ATP13A4: variants seen among roughly 807,000 people sequenced by gnomAD.
ATP13A4 encodes the protein ATPase 13A4, also known as probable cation-transporting ATPase 13A4.
In ATP13A4, 114 loss-of-function variants were observed where a neutral mutation model predicts 142.5. That is an observed-to-expected ratio of 0.80 (90% CI 0.69 to 0.93). ATP13A4 has a LOEUF of 0.93. ATP13A4 is among the 40% of genes least tolerant of loss of function. The probability of loss-of-function intolerance (pLI) is 0.00; values close to 1 mark genes in which losing one functional copy is unlikely to be tolerated. For synonymous variants in ATP13A4, 488 were observed against 514.8 expected (o/e 0.95, Z 0.70); for missense variants, 1,392 against 1,454.0 (o/e 0.96, Z 0.69).
intron 26 of ATP13A4, among the ~76,000 whole-genome samples, chr3:193,413,578 C>T (rs1288795478): frequency 2.0e-5 from 3 of 152,042 alleles, no homozygotes; most frequent in African/African-American, 7.2e-5. Flanking sequence ...TAGTTAATAT[C>T]CTGGGGGGAA....
chr3:193,483,496 G>A (rs906073875), intron 8 of ATP13A4, among the ~76,000 whole-genome samples: 19 of 152,040 alleles, frequency 1.2e-4, no homozygotes, highest in African/African-American at 2.2e-4. Flanking sequence ...ATGGAGTCTC[G>A]CTCTGTCACC....
At chr3:193,555,165 C>G (rs761296780), upstream of ATP13A4, 3 of 367,566 alleles carry the variant, frequency 8.2e-6, no homozygotes, top group Non-Finnish European at 1.6e-5. Context: ...GCAAATCCAA[C>G]AGGACAATAC....
chr3:193,518,497 T>G (rs189395520), intron 1 of ATP13A4, among the ~76,000 whole-genome samples: 39 of 152,348 alleles, frequency 2.6e-4, no homozygotes, highest in Admixed American at 2.5e-3. Context: ...GTACAGTGGC[T>G]GCCTCTGTTG....
chr3:193,417,840 C>CCA (rs1560173255), intron 25 of ATP13A4, among the ~76,000 whole-genome samples: 4 of 145,834 alleles, frequency 2.7e-5, no homozygotes, highest in African/African-American at 1.0e-4. Flanking sequence ...AAAAAATTAG[C>CCA]GGCCGGGCGC....
chr3:193,572,518 G>A (rs976682431), intron 2 of ATP13A4, among the ~76,000 whole-genome samples: 2 of 152,136 alleles, frequency 1.3e-5, no homozygotes, highest in African/African-American at 4.8e-5. Context: ...AACCAGTTTA[G>A]GTTTAAAAAA....
chr3:193,414,706 C>T lies in ATP13A4; in HGVS notation c.2887G>A (p.Ala963Thr). Residue 963 changes from alanine (A) to threonine (T), a missense_variant, in exon 26 of 30, where the codon GCA (alanine) becomes ACA (threonine). Physicochemically the swap from Ala to Thr is moderately conservative, Grantham distance 58 (BLOSUM62 0). Transcript: ENST00000342695. ...AGAGGTGGAGAGATCAGCCGTCCTG[C>T]AGGTCTGAAAGGCACCAGCTTAGGG... ...AYPKLVPFRP[A>T]GRLISPPLLL... 1 of 1,614,126 alleles carries T rather than the reference C, an allele frequency of 6.2e-7. No individual in the cohort carries two copies. Among genetic ancestry groups the T allele is most frequent in the Non-Finnish European group, 8.5e-7 (1 of 1,180,014 alleles).
At chr3:193,407,436 G>T in intron 28 of ATP13A4, 43 bp from the exon 29 acceptor site, 2 of 1,482,368 alleles carry the variant, frequency 1.3e-6, no homozygotes, top group Non-Finnish European at 1.9e-6. Context: ...AAGACACGCA[G>T]ATGCTGGAAA....
At chr3:193,583,678 G>C (rs75633055) in intron 1 of ATP13A4, among the ~76,000 whole-genome samples, 1 of 151,656 alleles carries the variant, frequency 6.6e-6, no homozygotes, top group African/African-American at 2.4e-5. Flanking sequence ...CAGACAATAA[G>C]TTGGCATTTC....
At chr3:193,413,294 T>A (rs1345805376) in intron 26 of ATP13A4, among the ~76,000 whole-genome samples, 1 of 152,244 alleles carries the variant, frequency 6.6e-6, no homozygotes, top group Non-Finnish European at 1.5e-5. Context: ...CTTAATCCTG[T>A]TATCTTCGTA....
chr3:193,432,997 G>A (rs1716063650), intron 25 of ATP13A4, among the ~76,000 whole-genome samples: 1 of 152,120 alleles, frequency 6.6e-6, no homozygotes, highest in African/African-American at 2.4e-5. Flanking sequence ...ATTATTAATT[G>A]TTTCTCACGA....
intron 1 of ATP13A4, among the ~76,000 whole-genome samples, chr3:193,585,648 G>C (rs150138532): frequency 1.4e-3 from 215 of 152,194 alleles, no homozygotes; most frequent in Admixed American, 3.3e-3. Flanking sequence ...GCGTCTGTTA[G>C]ATTCATTCGT....
At chr3:193,533,483 G>C (rs1238093054) in intron 1 of ATP13A4, among the ~76,000 whole-genome samples, 1 of 152,056 alleles carries the variant, frequency 6.6e-6, no homozygotes, top group Non-Finnish European at 1.5e-5. Context: ...ATAGTGGAAA[G>C]TTTCCTGAAT....
chr3:193,449,729 T>C (rs138015647), intron 17 of ATP13A4, among the ~76,000 whole-genome samples: 11 of 152,326 alleles, frequency 7.2e-5, no homozygotes, highest in African/African-American at 2.4e-4. Context: ...CCTTACTTCA[T>C]AGAAAAGGTT....
At position 193,493,118 on chromosome 3, in the gene ATP13A4, A is replaced by G; in HGVS notation, c.424T>C (p.Tyr142His). The G allele has an allele frequency of 3.1e-6, 5 of 1,613,338 alleles. No individual in the cohort carries two copies. In the South Asian group the frequency reaches 5.5e-5, roughly 18 times the overall value. ...ATTTTCTGGAACTGTCCTTCTAAGT[A>G]GTTCCAAACATATCTTATTTTCTGC... ...KVQKIRYVWN[Y>H]LEGQFQKIGS... The change falls in exon 4 of 30, where the codon TAC becomes CAC. Residue 142 changes from tyrosine (Y) to histidine (H), a missense_variant. Transcript: ENST00000342695.
intron 14 of ATP13A4, 48 bp from the exon 15 acceptor site, chr3:193,457,513 GC>G: frequency 6.5e-7 from 1 of 1,542,466 alleles, no homozygotes; most frequent in Non-Finnish European, 9.0e-7. Context: ...TTTATTGTTT[GC>G]CCACTGATGC....
chr3:193,456,747 G>A (rs1366257070), intron 16 of ATP13A4, among the ~76,000 whole-genome samples: 1 of 152,078 alleles, frequency 6.6e-6, no homozygotes, highest in African/African-American at 2.4e-5. Context: ...GCACTAAGGG[G>A]GAGTGAGAAA....
intron 28 of ATP13A4, among the ~76,000 whole-genome samples, chr3:193,408,614 T>C (rs1576930880): frequency 6.6e-6 from 1 of 152,132 alleles, no homozygotes; most frequent in South Asian, 2.1e-4. Flanking sequence ...CACCACCACA[T>C]CCACTGTAAA....
At chr3:193,544,962 ATTGAGG>A (rs1429354873) in intron 1 of ATP13A4, among the ~76,000 whole-genome samples, 1 of 152,178 alleles carries the variant, frequency 6.6e-6, no homozygotes, top group African/African-American at 2.4e-5. Context: ...CTTTTGTAAG[ATTGAGG>A]TTAACAACCC....
At chr3:193,553,533 A>T (rs1166785524) in intron 1 of ATP13A4, 2 of 152,186 alleles carry the variant, frequency 1.3e-5, no homozygotes, top group African/African-American at 4.8e-5. Flanking sequence ...CCTAAAGAAA[A>T]CTCTTTAAAG....
Sources: gnomAD v4.1 joint callset for allele counts (sites outside exome capture counted in the v4.1 genomes callset) on GRCh38, gnomAD v4.1.1 for gene constraint, MANE v1.5 for transcripts, NCBI Gene and HGNC (gene_info 2026-07-23, HGNC 2026-07-21) for gene names.